The following L3MBTL4 variants were observed in gnomAD, a reference collection of about 807,000 sequenced individuals.
L3MBTL4 encodes the protein lethal(3)malignant brain tumor-like protein 4.
In L3MBTL4, 70 loss-of-function variants were observed where a neutral mutation model predicts 84.5. That is an observed-to-expected ratio of 0.83 (90% CI 0.68 to 1.01). The LOEUF (loss-of-function observed/expected upper bound fraction) is 1.01, where lower values mean the gene tolerates loss of function less well. L3MBTL4 is among the 50% of genes least tolerant of loss of function. The pLI, the probability that L3MBTL4 is intolerant of heterozygous loss-of-function variation, is 0.00. For synonymous variants in L3MBTL4, 274 were observed against 259.8 expected, an observed-to-expected ratio of 1.05 and a Z score of -0.52; for missense variants, 715 against 754.8, an observed-to-expected ratio of 0.95 and a Z score of 0.62.
chr18:6,038,685 AAAC>A (rs570996818), intron 16 of L3MBTL4, among the ~76,000 whole-genome samples: 54 of 152,310 alleles, frequency 3.5e-4, no homozygotes, highest in East Asian at 7.7e-4. Context: ...GAGAAATAAA[AAAC>A]AACAACAACA....
chr18:6,223,429 G>T (rs1174643707), intron 10 of L3MBTL4, among the ~76,000 whole-genome samples: 1 of 152,162 alleles, frequency 6.6e-6, no homozygotes, highest in African/African-American at 2.4e-5. Flanking sequence ...CTATACAGAT[G>T]AGTTGGAAGG....
intron 12 of L3MBTL4, among the ~76,000 whole-genome samples, chr18:6,177,045 T>C (rs190677032): frequency 1.2e-4 from 18 of 152,332 alleles, no homozygotes; most frequent in Non-Finnish European, 2.5e-4. Flanking sequence ...GGCAGGGGTG[T>C]AAAATTGCAC....
intron 12 of L3MBTL4, among the ~76,000 whole-genome samples, chr18:6,200,495 A>G (rs1411526556): frequency 6.6e-6 from 1 of 152,212 alleles, no homozygotes; most frequent in Non-Finnish European, 1.5e-5. Context: ...GGAGGTTATT[A>G]TTACCGGAAA....
At chr18:6,180,057 C>A (rs145293676) in intron 12 of L3MBTL4, among the ~76,000 whole-genome samples, 2 of 152,104 alleles carry the variant, frequency 1.3e-5, no homozygotes, top group Non-Finnish European at 2.9e-5. Flanking sequence ...ACAGACTTAA[C>A]CTGAGAACAG....
intron 4 of L3MBTL4, among the ~76,000 whole-genome samples, chr18:6,269,382 G>A (rs939304152): frequency 1.8e-4 from 28 of 152,222 alleles, no homozygotes; most frequent in African/African-American, 3.1e-4. Flanking sequence ...GCGTGAACCC[G>A]GGAAGGAGAG....
At chr18:6,266,316 T>C (rs1469629250) in intron 4 of L3MBTL4, among the ~76,000 whole-genome samples, 2 of 152,256 alleles carry the variant, frequency 1.3e-5, no homozygotes, top group Admixed American at 1.3e-4. Flanking sequence ...ATATTCTTTC[T>C]TTATTTAACA....
intron 5 of L3MBTL4, chr18:6,256,895 G>A (rs2048165727): frequency 6.6e-6 from 1 of 152,430 alleles, no homozygotes; most frequent in South Asian, 2.1e-4. Flanking sequence ...CAAGGACAAG[G>A]TCTGCCGAGG....
chr18:6,239,732 A>G lies in L3MBTL4; in HGVS notation c.693T>C (p.Asp231=). 6.2e-7 allele frequency: 1 copy of G among 1,613,778 alleles called. No individual in the cohort carries two copies. The change falls in exon 9 of 19, where the codon GAT becomes GAC. Residue 231 remains aspartate, a synonymous_variant. Coordinates refer to ENST00000317931, the MANE Select transcript of L3MBTL4 (RefSeq NM_001330559.2). The part of the protein sequence containing the change: ...RLLVHFDNWD[D]SYDYWCDVNS... ...TCATATCTCACCAGTAATCGTAACT[A>G]TCATCCCAGTTGTCAAAATGCACTA...
chr18:6,316,790 G>A (rs1434308312), intron 1 of L3MBTL4, among the ~76,000 whole-genome samples: 1 of 152,106 alleles, frequency 6.6e-6, no homozygotes, highest in Non-Finnish European at 1.5e-5. Context: ...GAAGAACTAA[G>A]GTGGCTCCCA....
intron 3 of L3MBTL4, among the ~76,000 whole-genome samples, chr18:6,311,282 C>T (rs936248467): frequency 6.6e-6 from 1 of 151,894 alleles, no homozygotes; most frequent in Non-Finnish European, 1.5e-5. Flanking sequence ...TTACAGCTTC[C>T]GTTCTCTTAC....
intron 4 of L3MBTL4, among the ~76,000 whole-genome samples, chr18:6,264,650 G>A (rs1358245018): frequency 6.6e-6 from 1 of 152,150 alleles, no homozygotes; most frequent in Non-Finnish European, 1.5e-5. Flanking sequence ...TGGGCATCGT[G>A]GCGGGTGCCT....
At chr18:6,288,040 C>T (rs1244118845) in intron 4 of L3MBTL4, among the ~76,000 whole-genome samples, 2 of 152,170 alleles carry the variant, frequency 1.3e-5, no homozygotes, top group African/African-American at 4.8e-5. Context: ...GAGACTCTGT[C>T]TCAACAAAAT....
At chr18:6,007,337 C>T (rs2054535059) in intron 16 of L3MBTL4, among the ~76,000 whole-genome samples, 1 of 149,956 alleles carries the variant, frequency 6.7e-6, no homozygotes, top group Non-Finnish European at 1.5e-5. Flanking sequence ...GAAAAAAATG[C>T]TCATAATACA....
chr18:6,142,118 C>G (rs1053536639), intron 13 of L3MBTL4, among the ~76,000 whole-genome samples: 1 of 152,180 alleles, frequency 6.6e-6, no homozygotes, highest in African/African-American at 2.4e-5. Context: ...GAGGAGGTTA[C>G]GTCCTCATTT....
chr18:6,207,620 C>G (rs1475915157), intron 12 of L3MBTL4, among the ~76,000 whole-genome samples: 1 of 152,074 alleles, frequency 6.6e-6, no homozygotes, highest in Non-Finnish European at 1.5e-5. Flanking sequence ...ATAGTTTTAC[C>G]TACTCAAAAA....
rs949480362 is a variant in L3MBTL4, at chr18:5,955,514, G to T, written c.*706C>A. 1.3e-5 allele frequency: 2 copies of T among 152,208 alleles called. No homozygotes were observed. The highest frequency in any genetic ancestry group is 4.8e-5 in the African/African-American group (2 of 41,432). The allele number at this position is 152,208 out of a possible 1,614,324, so 9.4% of individuals were successfully genotyped here. ...CTGATGGTGGAGGGTCCTCAGAAGG[G>T]TCTCTCCAGCTTTTGGAAGTGCCCA... On this transcript the variant is annotated 3_prime_UTR_variant, in exon 19 of 19. Transcript: ENST00000317931.
intron 12 of L3MBTL4, among the ~76,000 whole-genome samples, chr18:6,194,087 A>G (rs1234848660): frequency 6.6e-6 from 1 of 152,202 alleles, no homozygotes; most frequent in Non-Finnish European, 1.5e-5. Context: ...GCCTATTTAA[A>G]TCCTTCCTCA....
chr18:6,286,916 G>A (rs529615248), intron 4 of L3MBTL4, among the ~76,000 whole-genome samples: 2 of 152,230 alleles, frequency 1.3e-5, no homozygotes, highest in African/African-American at 4.8e-5. Flanking sequence ...GTTCACAAGG[G>A]TTCTTTTCAT....
At chr18:6,144,070 C>T (rs538362663) in intron 13 of L3MBTL4, among the ~76,000 whole-genome samples, 2 of 151,576 alleles carry the variant, frequency 1.3e-5, no homozygotes, top group South Asian at 4.2e-4. Flanking sequence ...GGTGGCAGGC[C>T]CTGTAGTCCC....
Sources: allele counts gnomAD v4.1 joint callset (sites outside exome capture counted in the v4.1 genomes callset), GRCh38; gene constraint gnomAD v4.1.1; transcripts MANE v1.5; gene names NCBI Gene and HGNC (gene_info 2026-07-23, HGNC 2026-07-21).